The following NUCKS1 variants were observed in gnomAD, a reference collection of about 807,000 sequenced individuals.
The protein encoded by NUCKS1 is nuclear ubiquitous casein and cyclin-dependent kinase substrate 1.
In NUCKS1, 2 loss-of-function variants were observed where a neutral mutation model predicts 33.0. The ratio of observed to expected loss-of-function variants is 0.06; its 90% CI spans 0.02 to 0.19. The LOEUF is 0.19. NUCKS1 is among the 10% of genes least tolerant of loss of function. The pLI is 1.00. For missense variants in NUCKS1, 201 were observed against 293.6 expected (o/e 0.68, Z 2.31); for synonymous variants, 106 against 102.8 (o/e 1.03, Z -0.19).
chr1:205,749,893 A>G, intron 1 of NUCKS1, 64 bp downstream of exon 1: 1 of 1,473,330 alleles, frequency 6.8e-7, no homozygotes, highest in East Asian at 2.5e-5. Flanking sequence ...TCTGTCCCCC[A>G]CTCTTTTCAC....
chr1:205,732,408 G>C (rs890772460), intron 1 of NUCKS1, among the ~76,000 whole-genome samples: 1 of 151,998 alleles, frequency 6.6e-6, no homozygotes, highest in Non-Finnish European at 1.5e-5. Flanking sequence ...TTGTTTAGTG[G>C]GTTTAGTTTC....
At chr1:205,729,961 T>C (rs1653866981) in intron 1 of NUCKS1, among the ~76,000 whole-genome samples, 2 of 149,786 alleles carry the variant, frequency 1.3e-5, no homozygotes, top group Non-Finnish European at 3.0e-5. Flanking sequence ...TCAGAGGTTG[T>C]GGTGAGCCGA....
intron 2 of NUCKS1, among the ~76,000 whole-genome samples, chr1:205,729,222 G>A (rs1264156808): frequency 6.6e-6 from 1 of 151,908 alleles, no homozygotes; most frequent in Non-Finnish European, 1.5e-5. Context: ...GCCCACCTTG[G>A]CCTCCCAAAG....
rs1341558962 is a variant in NUCKS1 at position 205,730,551 on chromosome 1, A to G, written c.18-930T>C. Among the ~76,000 whole-genome samples the G allele has an allele frequency of 2.7e-5, 4 of 150,810 alleles. No homozygotes were observed. In the East Asian group the frequency reaches 7.8e-4, roughly 30 times the overall value. ...TCGCCCAGGCTAGAGTGCAATGGCG[A>G]GATCTTGGCTCACTGCAACCTCTGC... On this transcript the variant is annotated intron_variant, in intron 1 of 6. Coordinates refer to ENST00000367142, the MANE Select transcript of NUCKS1 (RefSeq NM_022731.5).
chr1:205,735,105 G>A (rs755421043), intron 1 of NUCKS1, among the ~76,000 whole-genome samples: 3 of 152,130 alleles, frequency 2.0e-5, no homozygotes, highest in Non-Finnish European at 2.9e-5. Context: ...GGCATGAGAG[G>A]TTCTATTTCT....
chr1:205,714,850 T>G lies in NUCKS1; in HGVS notation c.*3430A>C, dbSNP rs1671796954. 6.6e-6 allele frequency: 1 copy of G among 152,190 alleles called. No individual in the cohort carries two copies. The highest frequency in any genetic ancestry group is 1.9e-4 in the East Asian group (1 of 5,206). The allele number at this position is 152,190 out of a possible 1,614,324, so 9.4% of individuals were successfully genotyped here. ...TTCTTAAGGTGAAAGTTTTTTCCTT[T>G]CAGTGCAGCTACCAATGATGCAGGC... On this transcript the variant is annotated 3_prime_UTR_variant, in exon 7 of 7. Coordinates refer to ENST00000367142, the MANE Select transcript of NUCKS1 (RefSeq NM_022731.5).
intron 1 of NUCKS1, among the ~76,000 whole-genome samples, chr1:205,734,475 T>C (rs182043300): frequency 1.9e-3 from 290 of 152,234 alleles, no homozygotes; most frequent in South Asian, 3.5e-3. Context: ...TTCTGCCTTA[T>C]TAAGGGCAAC....
chr1:205,737,318 C>T (rs897255686), intron 1 of NUCKS1, among the ~76,000 whole-genome samples: 1 of 152,124 alleles, frequency 6.6e-6, no homozygotes, highest in Non-Finnish European at 1.5e-5. Context: ...AATCTAAGAC[C>T]GTTTGGTATC....
rs181279894 is a variant in NUCKS1 at position 205,722,701 on chromosome 1, A to T, written c.229+1225T>A. Among the ~76,000 whole-genome samples, 373 of 152,304 alleles carry T rather than the reference A, an allele frequency of 2.4e-3. 1 individual carries two copies. Among genetic ancestry groups the T allele is most frequent in the African/African-American group, 8.3e-3 (345 of 41,578 alleles). ...AGCCACCATGCTCAGCCTAAAAAAA[A>T]TTTTTTTAACACACAGTTGTGTTTG... On this transcript the variant is annotated intron_variant, in intron 4 of 6. Coordinates refer to ENST00000367142, the MANE Select transcript of NUCKS1 (RefSeq NM_022731.5).
chr1:205,726,919 T>C (rs1424390381), intron 3 of NUCKS1, among the ~76,000 whole-genome samples: 1 of 152,098 alleles, frequency 6.6e-6, no homozygotes, highest in Non-Finnish European at 1.5e-5. Context: ...TGTGAGAGTG[T>C]GTATAACTTT....
At position 205,734,651 on chromosome 1, in the gene NUCKS1, T is replaced by C. The variant is rs558819848; in HGVS notation, c.18-5030A>G. On this transcript the variant is annotated intron_variant, in intron 1 of 6. Coordinates refer to ENST00000367142, the MANE Select transcript of NUCKS1 (RefSeq NM_022731.5). ...GCTCACGCCTGTAATCCCAGCACTT[T>C]GGGAGGCCAAGGTGGGTGGATCACC... 2.0e-4 allele frequency among the ~76,000 whole-genome samples: 31 copies of C among 152,324 alleles called. No individual in the cohort carries two copies. In the East Asian group the frequency reaches 5.6e-3, roughly 27 times the overall value.
intron 1 of NUCKS1, among the ~76,000 whole-genome samples, chr1:205,736,807 G>C (rs1654045557): frequency 6.6e-6 from 1 of 151,480 alleles, no homozygotes; most frequent in African/African-American, 2.4e-5. Context: ...CTCCAGCCTG[G>C]GTGACAGAGC....
intron 3 of NUCKS1, among the ~76,000 whole-genome samples, chr1:205,725,860 A>G (rs1653757850): frequency 6.6e-6 from 1 of 152,218 alleles, no homozygotes; most frequent in African/African-American, 2.4e-5. Context: ...CCTAGGAGAA[A>G]TAAGATAATG....
intron 1 of NUCKS1, among the ~76,000 whole-genome samples, chr1:205,730,283 G>T (rs1653876575): frequency 6.6e-6 from 1 of 151,766 alleles, no homozygotes; most frequent in Admixed American, 6.6e-5. Flanking sequence ...CTGAGCTCAG[G>T]TAGTCATCCT....
intron 1 of NUCKS1, chr1:205,731,335 C>T (rs1168572961): frequency 6.6e-6 from 1 of 152,316 alleles, no homozygotes; most frequent in Non-Finnish European, 1.5e-5. Context: ...AAAATCAAAA[C>T]AGTGAGAATA....
chr1:205,740,234 G>A (rs575437361), intron 1 of NUCKS1, among the ~76,000 whole-genome samples: 12 of 151,264 alleles, frequency 7.9e-5, no homozygotes, highest in East Asian at 2.0e-4. Flanking sequence ...CAAACTCCAG[G>A]ACTCAAGCAA....
chr1:205,747,187 T>G (rs1181197488), intron 1 of NUCKS1, among the ~76,000 whole-genome samples: 8 of 152,088 alleles, frequency 5.3e-5, no homozygotes, highest in African/African-American at 1.9e-4. Flanking sequence ...AATTGGGAAT[T>G]GGGAATTGGG....
chr1:205,715,152 C>T lies in NUCKS1; in HGVS notation c.*3128G>A, dbSNP rs183956260. On this transcript the variant is annotated 3_prime_UTR_variant, in exon 7 of 7. Transcript: ENST00000367142. ...ATATTCACAAGTGTTAAAAACTTTA[C>T]TGGAGTATAACCTCAAATTTCACTC... 6.6e-6 allele frequency: 1 copy of T among 152,240 alleles called. No individual in the cohort carries two copies. Among genetic ancestry groups the T allele is most frequent in the African/African-American group, 2.4e-5 (1 of 41,532 alleles). The allele number at this position is 152,240 out of a possible 1,614,324, so 9.4% of individuals were successfully genotyped here. A position where few individuals can be genotyped will look rare whatever the true frequency, so the allele number is the denominator to read the frequency against.
intron 1 of NUCKS1, among the ~76,000 whole-genome samples, chr1:205,746,844 TAAAC>T (rs1431609098): frequency 1.3e-5 from 2 of 152,206 alleles, no homozygotes; most frequent in South Asian, 2.1e-4. Context: ...TCTCAAGTGT[TAAAC>T]AAAAGGTATC....
Sources: gnomAD v4.1 joint callset for allele counts (sites outside exome capture counted in the v4.1 genomes callset) on GRCh38, gnomAD v4.1.1 for gene constraint, MANE v1.5 for transcripts, NCBI Gene and HGNC (gene_info 2026-07-23, HGNC 2026-07-21) for gene names.